HSPB6: variants seen among roughly 807,000 people sequenced by gnomAD.
HSPB6 encodes the protein heat shock protein family B (small) member 6, also known as heat shock protein beta-6.
In HSPB6, 8 loss-of-function variants were observed where a neutral mutation model predicts 10.7. The observed-to-expected ratio is 0.75, with a 90% confidence interval of 0.44 to 1.35. HSPB6 has a LOEUF of 1.35. Ranked by LOEUF, HSPB6 falls within the 40% of genes most tolerant of loss-of-function variation. The pLI, the probability that HSPB6 is intolerant of heterozygous loss-of-function variation, is 0.00. For missense variants in HSPB6, 232 were observed against 236.0 expected (o/e 0.98, Z 0.11); for synonymous variants, 128 against 114.2 (o/e 1.12, Z -0.77).
Position 35,754,787 on chromosome 19 carries a change from G to T in HSPB6, c.*735C>A. On this transcript the variant is annotated 3_prime_UTR_variant, in exon 3 of 3. Transcript: ENST00000004982. Reference sequence around the variant, plus strand: ...ATGGGGTCTGGTTAGAGTTGGGGAGGGGGCCTAGGACATCCGTGCAGAGTC... The same window carrying T: ...ATGGGGTCTGGTTAGAGTTGGGGAGTGGGCCTAGGACATCCGTGCAGAGTC... 2.2e-6 allele frequency: 1 copy of T among 461,626 alleles called. No individual in the cohort carries two copies. Among genetic ancestry groups the T allele is most frequent in the Admixed American group, 3.4e-5 (1 of 29,422 alleles). The allele number at this position is 461,626 out of a possible 1,614,324, so 28.6% of individuals were successfully genotyped here.
intron 1 of HSPB6, among the ~76,000 whole-genome samples, chr19:35,756,274 C>T (rs1296147743): frequency 6.6e-6 from 1 of 152,136 alleles, no homozygotes; most frequent in Non-Finnish European, 1.5e-5. Context: ...GCCAAGATGC[C>T]CCTTTCCCCG....
Position 35,755,573 on chromosome 19 carries a change from G to C in HSPB6, c.432C>G (p.Ile144Met), listed in dbSNP as rs1302092690. The C allele has an allele frequency of 1.0e-5, 16 of 1,531,224 alleles. No homozygotes were observed. The Admixed American group carries it at 2.0e-4, about 19-fold the overall frequency. 94.9% of individuals were successfully genotyped at this position (1,531,224 alleles called of 1,614,324 possible). ...CCTGGGCCGACGCTGGTGCGGCCTG[G>C]ATGGACAGGACGCCCTCGGGGGACA... The part of the protein sequence containing the change: ...SALSPEGVLS[I>M]QAAPASAQAP... The change falls in exon 3 of 3, where the codon ATC (isoleucine) becomes ATG (methionine). Residue 144 changes from isoleucine (I) to methionine (M), a missense_variant. Physicochemically the swap from Ile to Met is conservative, Grantham distance 10 (BLOSUM62 1). Coordinates refer to ENST00000004982, the MANE Select transcript of HSPB6 (RefSeq NM_144617.3).
At position 35,755,634 on chromosome 19, in the gene HSPB6, G is replaced by A. The variant is rs1382943361; in HGVS notation, c.371C>T (p.Pro124Leu). 2.6e-6 allele frequency: 4 copies of A among 1,534,034 alleles called. No individual in the cohort carries two copies. Among genetic ancestry groups the A allele is most frequent in the Non-Finnish European group, 3.5e-6 (4 of 1,144,640 alleles). Residue 124 changes from proline (P) to leucine (L), a missense_variant, in exon 3 of 3, where the codon CCG (proline) becomes CTG (leucine). Coordinates refer to ENST00000004982, the MANE Select transcript of HSPB6 (RefSeq NM_144617.3). ...AREFHRRYRL[P>L]PGVDPAAVTS... ...CACGGCAGCCGGATCCACGCCAGGC[G>A]GCAGGCGGTAGCGACGGTGGAACTC...
chr19:35,756,547 ACTCC>A (rs1267714216), intron 1 of HSPB6, among the ~76,000 whole-genome samples: 1 of 151,308 alleles, frequency 6.6e-6, no homozygotes, highest in Non-Finnish European at 1.5e-5. Flanking sequence ...AGTAAGCAAG[ACTCC>A]CCTTAGAGTG....
intron 1 of HSPB6, 147 bp from the exon 2 acceptor site, chr19:35,756,041 C>T (rs1044462390): frequency 2.2e-5 from 25 of 1,154,194 alleles, no homozygotes; most frequent in Non-Finnish European, 2.5e-5. Flanking sequence ...TGGGAGTCAC[C>T]CAGGACCTCT....
chr19:35,755,394 A>C lies in HSPB6; in HGVS notation c.*128T>G, dbSNP rs1258798958. On this transcript the variant is annotated 3_prime_UTR_variant, in exon 3 of 3. Coordinates refer to ENST00000004982, the MANE Select transcript of HSPB6 (RefSeq NM_144617.3). ...CAGTGTCCAGGATGGAGGTCAGGGC[A>C]GAATCCAGGAGTGGGTGAGAGGACA... 1 of 945,428 alleles carries C rather than the reference A, an allele frequency of 1.1e-6. No individual in the cohort carries two copies. The allele number at this position is 945,428 out of a possible 1,614,324, so 58.6% of individuals were successfully genotyped here.
At chr19:35,756,677 G>C in intron 1 of HSPB6, 134 bp downstream of exon 1, 1 of 847,968 alleles carries the variant, frequency 1.2e-6, no homozygotes, top group Non-Finnish European at 1.8e-6. Flanking sequence ...CATTGACTCC[G>C]GAAGCCCTTC....
At position 35,755,335 on chromosome 19, in the gene HSPB6, G is replaced by C; in HGVS notation, c.*187C>G. On this transcript the variant is annotated 3_prime_UTR_variant, in exon 3 of 3. Transcript: ENST00000004982. The stretch of plus-strand genomic sequence containing the variant: ...GGAAAGCTGGAGGGGGTGTGAGAGC[G>C]AGGGTGTCAGTGGAAGGGTCTATGT... 1.4e-6 allele frequency: 1 copy of C among 717,034 alleles called. No homozygotes were observed. Among genetic ancestry groups the C allele is most frequent in the Non-Finnish European group, 2.5e-6 (1 of 404,960 alleles). The allele number at this position is 717,034 out of a possible 1,614,324, so 44.4% of individuals were successfully genotyped here.
chr19:35,755,172 G>A lies in HSPB6; in HGVS notation c.*350C>T, dbSNP rs1320477122. ...GTAGTACCCGGATGTCTTTGTAGAG[G>A]ACTCAGAAGGAAGTAGAGGAGGGGT... is the stretch of plus-strand genomic sequence containing the variant. On this transcript the variant is annotated 3_prime_UTR_variant, in exon 3 of 3. Transcript: ENST00000004982. 2.3e-6 allele frequency: 1 copy of A among 441,104 alleles called. No individual in the cohort carries two copies. Among genetic ancestry groups the A allele is most frequent in the African/African-American group, 2.1e-5 (1 of 47,556 alleles). The allele number at this position is 441,104 out of a possible 1,614,324, so 27.3% of individuals were successfully genotyped here. A position where few individuals can be genotyped will look rare whatever the true frequency, so the allele number is the denominator to read the frequency against.
chr19:35,756,905 T>C lies in HSPB6; in HGVS notation c.104A>G (p.Glu35Gly), dbSNP rs1970770137. The C allele has an allele frequency of 1.3e-6, 2 of 1,539,418 alleles. No individual in the cohort carries two copies. The highest frequency in any genetic ancestry group is 1.4e-5 in the African/African-American group (1 of 72,916). ...AGCCAGCTCGGCCTCCAGCAGCCCCTCGCCGAAGCGCTGGTCAAAGAGGCG... is the reference window on the plus strand; with the variant it reads ...AGCCAGCTCGGCCTCCAGCAGCCCCCCGCCGAAGCGCTGGTCAAAGAGGCG... ...PGRLFDQRFG[E>G]GLLEAELAAL... is the part of the protein sequence containing the mutation. Residue 35 changes from glutamate to glycine, a missense_variant, in exon 1 of 3, where the codon GAG becomes GGG. Physicochemically the swap from Glu to Gly is moderately conservative, Grantham distance 98. Coordinates refer to ENST00000004982, the MANE Select transcript of HSPB6 (RefSeq NM_144617.3).
At chr19:35,756,616 T>G (rs934923719) in intron 1 of HSPB6, among the ~76,000 whole-genome samples, 195 bp downstream of exon 1, 17 of 143,470 alleles carry the variant, frequency 1.2e-4, no homozygotes, top group African/African-American at 4.1e-4. Context: ...GCCCCCCACC[T>G]AAGAGCGACG....
chr19:35,756,732 C>G (rs1970765360), intron 1 of HSPB6, 79 bp downstream of exon 1: 2 of 1,417,872 alleles, frequency 1.4e-6, no homozygotes, highest in Non-Finnish European at 9.6e-7. Context: ...CGAACATTCT[C>G]TCACATGTTC....
In HSPB6 at chr19:35,755,762, C is replaced by T. The variant is rs780532257; in HGVS notation, c.321+10G>A. 9 of 1,570,530 alleles carry T rather than the reference C, an allele frequency of 5.7e-6. No individual in the cohort carries two copies. In the Admixed American group the frequency reaches 9.2e-5, roughly 16 times the overall value. On this transcript the variant is annotated intron_variant, in intron 2 of 2. Coordinates refer to ENST00000004982, the MANE Select transcript of HSPB6 (RefSeq NM_144617.3). ...TACCCGCTCCAGCCCCGCCCCACGCCGCGGCTCACCGGGCGCTCCTCGTGG... is the reference window on the plus strand; with the variant it reads ...TACCCGCTCCAGCCCCGCCCCACGCTGCGGCTCACCGGGCGCTCCTCGTGG...
At position 35,756,949 on chromosome 19, in the gene HSPB6, G is replaced by T; in HGVS notation, c.60C>A (p.Pro20=). ...SWLRRASAPL[P]GLSAPGRLFD... is the part of the protein sequence containing the mutation. ...AGAGGCGTCCGGGCGCCGAAAGTCC[G>T]GGCAACGGGGCCGAGGCGCGGCGCA... Residue 20 remains proline, a synonymous_variant, in exon 1 of 3, where the codon CCC becomes CCA. Coordinates refer to ENST00000004982, the MANE Select transcript of HSPB6 (RefSeq NM_144617.3). 1 of 1,544,180 alleles carries T rather than the reference G, an allele frequency of 6.5e-7. No individual in the cohort carries two copies.
At position 35,755,073 on chromosome 19, in the gene HSPB6, G is replaced by A. The variant is rs1970736231; in HGVS notation, c.*449C>T. The A allele has an allele frequency of 3.3e-6, 1 of 303,674 alleles. No homozygotes were observed. Among genetic ancestry groups the A allele is most frequent in the Non-Finnish European group, 6.2e-6 (1 of 162,074 alleles). The allele number at this position is 303,674 out of a possible 1,614,324, so 18.8% of individuals were successfully genotyped here. ...GACGTTTGGGGGGTGGGGGGATTGT[G>A]CCTGACTGGCCTGGGGTTGGGGGAG... On this transcript the variant is annotated 3_prime_UTR_variant, in exon 3 of 3. Coordinates refer to ENST00000004982, the MANE Select transcript of HSPB6 (RefSeq NM_144617.3).
At chr19:35,756,593 AGCCCCCCACCCC>A (rs1410730039) in intron 1 of HSPB6, among the ~76,000 whole-genome samples, 3 of 151,956 alleles carry the variant, frequency 2.0e-5, no homozygotes, top group Non-Finnish European at 4.4e-5. Context: ...GAGAGCTGAG[AGCCCCCCACCCC>A]GCCCCCCACC....
chr19:35,756,440 T>C (rs1433317653), intron 1 of HSPB6, among the ~76,000 whole-genome samples: 2 of 151,896 alleles, frequency 1.3e-5, no homozygotes, highest in African/African-American at 2.4e-5. Context: ...GCACACAGTC[T>C]CTCAACTCTT....
Position 35,754,908 on chromosome 19 carries a change from G to A in HSPB6, c.*614C>T. 1 of 311,336 alleles carries A rather than the reference G, an allele frequency of 3.2e-6. No homozygotes were observed. Among genetic ancestry groups the A allele is most frequent in the South Asian group, 3.0e-5 (1 of 33,382 alleles). The allele number at this position is 311,336 out of a possible 1,614,324, so 19.3% of individuals were successfully genotyped here. ...TTGGGGCAGTCGAAAAAGGGTTCCA[G>A]AGTCTGGTGTGGCTGGCTGGGGTTT... On this transcript the variant is annotated 3_prime_UTR_variant, in exon 3 of 3. Coordinates refer to ENST00000004982, the MANE Select transcript of HSPB6 (RefSeq NM_144617.3).
chr19:35,755,987 G>A, intron 1 of HSPB6, 93 bp from the exon 2 acceptor site: 1 of 1,485,550 alleles, frequency 6.7e-7, no homozygotes, highest in Non-Finnish European at 9.0e-7. Context: ...GTTCCGTGCC[G>A]CGGCTCACTC....
Sources: allele counts gnomAD v4.1 joint callset (sites outside exome capture counted in the v4.1 genomes callset), GRCh38; gene constraint gnomAD v4.1.1; transcripts MANE v1.5; gene names NCBI Gene and HGNC (gene_info 2026-07-23, HGNC 2026-07-21).